Variants in GSK3B observed in about 807,000 individuals in gnomAD.
The protein encoded by GSK3B is glycogen synthase kinase-3 beta.
A neutral mutation model predicts 56.4 loss-of-function variants in GSK3B; 15 were observed. That is an observed-to-expected ratio of 0.27 (90% confidence interval 0.18 to 0.41). The LOEUF (loss-of-function observed/expected upper bound fraction) is 0.41, where lower values mean the gene tolerates loss of function less well. Among genes scored for constraint, GSK3B ranks in the 10% least tolerant of loss-of-function variants. GSK3B has a pLI of 1.00. For synonymous variants in GSK3B, 181 were observed against 188.9 expected (o/e 0.96, Z 0.34); for missense variants, 300 against 513.4 (o/e 0.58, Z 4.02).
In GSK3B at chr3:119,905,870, C is replaced by T. The variant is rs184076540; in HGVS notation, c.716-18G>A. On this transcript the variant is annotated intron_variant, in intron 6 of 10. Transcript: ENST00000264235. ...CCATACATCTAAAGAGAAAAGAAAA[C>T]GAAGCCTTATTAATACTTCATAGCT... 43 of 1,413,270 alleles carry T rather than the reference C, an allele frequency of 3.0e-5. No homozygotes were observed. Among genetic ancestry groups the T allele is most frequent in the African/African-American group, 5.6e-5 (4 of 71,208 alleles). The allele number at this position is 1,413,270 out of a possible 1,614,324, so 87.5% of individuals were successfully genotyped here.
intron 1 of GSK3B, among the ~76,000 whole-genome samples, chr3:120,007,838 T>C (rs1326663325): frequency 6.6e-6 from 1 of 152,204 alleles, no homozygotes; most frequent in Non-Finnish European, 1.5e-5. Context: ...GCTGGAAGCA[T>C]TCCCTTTGAA....
At chr3:119,863,974 T>C (rs769375553) in intron 8 of GSK3B, among the ~76,000 whole-genome samples, 2 of 152,262 alleles carry the variant, frequency 1.3e-5, no homozygotes, top group South Asian at 4.1e-4. Context: ...ATTGCCTCTT[T>C]TGCATTGTTT....
At chr3:119,970,765 C>A (rs2057358566) in intron 2 of GSK3B, among the ~76,000 whole-genome samples, 1 of 151,344 alleles carries the variant, frequency 6.6e-6, no homozygotes, top group Non-Finnish European at 1.5e-5. Flanking sequence ...CCAGCCCGGG[C>A]GACAGTGTGA....
chr3:119,839,100 C>T lies in GSK3B; in HGVS notation c.1195+4155G>A, dbSNP rs1323049664. Among the ~76,000 whole-genome samples, 4 of 152,314 alleles carry T rather than the reference C, an allele frequency of 2.6e-5. No homozygotes were observed. The East Asian group carries it at 7.7e-4, about 29-fold the overall frequency. ...AAAGTTTGTTGGTGATGACAGAGAA[C>T]AATTACATATTCCCAGAATTAGCAC... is the stretch of plus-strand genomic sequence containing the variant. On this transcript the variant is annotated intron_variant, in intron 10 of 10. Transcript: ENST00000264235.
chr3:119,869,997 T>TG (rs2056232116), intron 8 of GSK3B, among the ~76,000 whole-genome samples: 1 of 152,234 alleles, frequency 6.6e-6, no homozygotes. Flanking sequence ...ACAGTCAGGT[T>TG]GGCTCTCCTA....
At chr3:120,074,255 G>T (rs992208847) in intron 1 of GSK3B, among the ~76,000 whole-genome samples, 1 of 150,754 alleles carries the variant, frequency 6.6e-6, no homozygotes, top group African/African-American at 2.4e-5. Context: ...AATGTACATC[G>T]CACCACCGCA....
At chr3:119,981,368 G>C (rs1010278177) in intron 2 of GSK3B, among the ~76,000 whole-genome samples, 2 of 152,262 alleles carry the variant, frequency 1.3e-5, no homozygotes, top group Admixed American at 1.3e-4. Context: ...GCAGCCCATG[G>C]AGGGCAAGCT....
intron 7 of GSK3B, among the ~76,000 whole-genome samples, chr3:119,877,543 G>A (rs1164318979): frequency 6.6e-6 from 1 of 152,124 alleles, no homozygotes; most frequent in Non-Finnish European, 1.5e-5. Flanking sequence ...TGCGGAACCT[G>A]TAGATATGGA....
At chr3:119,872,772 G>A (rs966563564) in intron 8 of GSK3B, among the ~76,000 whole-genome samples, 8 of 152,030 alleles carry the variant, frequency 5.3e-5, no homozygotes, top group Non-Finnish European at 1.0e-4. Context: ...ATAATCCTGA[G>A]AAAAGACACA....
At chr3:120,036,178 T>A (rs1465113348) in intron 1 of GSK3B, among the ~76,000 whole-genome samples, 1 of 152,230 alleles carries the variant, frequency 6.6e-6, no homozygotes, top group African/African-American at 2.4e-5. Flanking sequence ...ATGAATAGAA[T>A]GTACTTTTTA....
rs76686591 is a variant in GSK3B, at chr3:119,954,407, T to G, written c.283-7056A>C. ...TATCACTTTACATACAGTAAGGGTT[T>G]TTTTCATGAAACTTGTTAATTATTT... On this transcript the variant is annotated intron_variant, in intron 2 of 10. Coordinates refer to ENST00000264235, the MANE Select transcript of GSK3B (RefSeq NM_001146156.2). 5.0e-3 allele frequency among the ~76,000 whole-genome samples: 593 copies of G among 117,486 alleles called. 2 individuals carry two copies. The highest frequency in any genetic ancestry group is 7.8e-3 in the Non-Finnish European group (482 of 61,716). 77.1% of individuals were successfully genotyped at this position (117,486 alleles called of 152,430 possible).
chr3:120,023,031 T>C (rs1343467927), intron 1 of GSK3B, among the ~76,000 whole-genome samples: 1 of 152,284 alleles, frequency 6.6e-6, no homozygotes. Flanking sequence ...TTGGGAAATA[T>C]GTACATGCCT....
chr3:120,039,672 C>G (rs2058049986), intron 1 of GSK3B, among the ~76,000 whole-genome samples: 1 of 152,194 alleles, frequency 6.6e-6, no homozygotes, highest in Non-Finnish European at 1.5e-5. Flanking sequence ...TCACAAGTAG[C>G]CAATCGGGTC....
intron 2 of GSK3B, among the ~76,000 whole-genome samples, chr3:119,998,013 T>C (rs1001996195): frequency 2.0e-5 from 3 of 152,152 alleles, no homozygotes; most frequent in Non-Finnish European, 4.4e-5. Context: ...ATAAGCAAGA[T>C]AGAACAGGCC....
chr3:119,936,760 A>C, intron 3 of GSK3B, among the ~76,000 whole-genome samples: 1 of 152,018 alleles, frequency 6.6e-6, no homozygotes, highest in East Asian at 1.9e-4. Flanking sequence ...GACTAACAGA[A>C]TAGAAGGGAG....
At position 119,826,740 on chromosome 3, in the gene GSK3B, C is replaced by T; in HGVS notation, c.*48G>A. The T allele has an allele frequency of 1.7e-6, 2 of 1,197,994 alleles. No individual in the cohort carries two copies. The highest frequency in any genetic ancestry group is 2.5e-6 in the Non-Finnish European group (2 of 799,478). 74.2% of individuals were successfully genotyped at this position (1,197,994 alleles called of 1,614,324 possible). A position where few individuals can be genotyped will look rare whatever the true frequency, so the allele number is the denominator to read the frequency against. On this transcript the variant is annotated 3_prime_UTR_variant, in exon 11 of 11. Transcript: ENST00000264235. ...ACGTGACCAGTGTTGCTGAGTGACA[C>T]TCAAGTAACTGGTGGTTTTTCCTGT...
At chr3:119,987,314 C>T (rs970952918) in intron 2 of GSK3B, among the ~76,000 whole-genome samples, 1 of 152,044 alleles carries the variant, frequency 6.6e-6, no homozygotes, top group African/African-American at 2.4e-5. Flanking sequence ...TACCCTAGAA[C>T]TTAAAGTATA....
At chr3:120,088,191 G>C (rs1243536632) in intron 1 of GSK3B, among the ~76,000 whole-genome samples, 1 of 152,120 alleles carries the variant, frequency 6.6e-6, no homozygotes. Flanking sequence ...CGTGCCAGCC[G>C]AACTAAATTG....
At chr3:120,055,505 A>G (rs2058184759) in intron 1 of GSK3B, among the ~76,000 whole-genome samples, 2 of 152,220 alleles carry the variant, frequency 1.3e-5, no homozygotes, top group African/African-American at 4.8e-5. Flanking sequence ...GGAGGAAACA[A>G]TATTTAGAGC....
Sources: gnomAD v4.1 joint callset for allele counts (sites outside exome capture counted in the v4.1 genomes callset) on GRCh38, gnomAD v4.1.1 for gene constraint, MANE v1.5 for transcripts, NCBI Gene and HGNC (gene_info 2026-07-23, HGNC 2026-07-21) for gene names.